SUGCT: variants seen among roughly 807,000 people sequenced by gnomAD.
SUGCT encodes succinyl-CoA:glutarate CoA-transferase.
In SUGCT, 41 loss-of-function variants were observed where a neutral mutation model predicts 55.0. The ratio of observed to expected loss-of-function variants is 0.74; its 90% CI spans 0.58 to 0.97. The LOEUF is 0.97. Among genes scored for constraint, SUGCT ranks in the 50% least tolerant of loss-of-function variants. The probability of loss-of-function intolerance (pLI) is 0.00; values close to 1 mark genes in which losing one functional copy is unlikely to be tolerated. For synonymous variants in SUGCT, 187 were observed against 200.4 expected (o/e 0.93, Z 0.56); for missense variants, 568 against 547.8 (o/e 1.04, Z -0.37).
chr7:40,290,870 G>T (rs937760696), intron 8 of SUGCT, among the ~76,000 whole-genome samples: 7 of 152,118 alleles, frequency 4.6e-5, no homozygotes, highest in Non-Finnish European at 8.8e-5. Flanking sequence ...CTTCTCAAAA[G>T]AAGACATTTA....
intron 9 of SUGCT, among the ~76,000 whole-genome samples, chr7:40,364,776 T>C (rs555216350): frequency 3.4e-4 from 51 of 152,104 alleles, no homozygotes; most frequent in African/African-American, 9.4e-4. Context: ...ATCAATAGCT[T>C]ACCAACCAAA....
At chr7:40,332,350 A>G (rs1357293631) in intron 9 of SUGCT, among the ~76,000 whole-genome samples, 3 of 152,234 alleles carry the variant, frequency 2.0e-5, no homozygotes, top group Non-Finnish European at 4.4e-5. Context: ...GCTGTCTCAA[A>G]TAGAAGAAGA....
At position 40,855,617 on chromosome 7, in the gene SUGCT, C is replaced by CA. The variant is rs1794132343; in HGVS notation, c.1154-4697dup. On this transcript the variant is annotated intron_variant, in intron 13 of 13. Transcript: ENST00000335693. ...ATATTTCTAGTCATCCCTGGTTGATCAATCTTTTATAGAAAAAAGATCTGG... is the reference window on the plus strand; with the variant it reads ...ATATTTCTAGTCATCCCTGGTTGATCAAATCTTTTATAGAAAAAAGATCTGG... Among the ~76,000 whole-genome samples, 8 of 152,126 alleles carry CA rather than the reference C, an allele frequency of 5.3e-5. No homozygotes were observed. The South Asian group carries it at 1.7e-3, about 32-fold the overall frequency.
At chr7:40,901,381 T>C in the SUGCT span, among the ~76,000 whole-genome samples, 10 of 152,334 alleles carry the variant, frequency 6.6e-5, no homozygotes, top group South Asian at 1.2e-3. Flanking sequence ...TTTCAACTTA[T>C]GGGGAATTTC....
the SUGCT span, among the ~76,000 whole-genome samples, chr7:40,918,460 C>CAAAAAAA: frequency 9.8e-6 from 1 of 101,960 alleles, no homozygotes; most frequent in African/African-American, 3.6e-5. Context: ...GACTCTGTCT[C>CAAAAAAA]AAAAAAAAAA....
intron 13 of SUGCT, among the ~76,000 whole-genome samples, chr7:40,844,755 G>A (rs188087181): frequency 1.9e-4 from 29 of 152,330 alleles, no homozygotes; most frequent in Admixed American, 1.8e-3. Flanking sequence ...CCTGCCTCCT[G>A]TCTGTATCAA....
Position 40,666,419 on chromosome 7 carries a change from G to GTT in SUGCT, c.1090-82991_1090-82990dup, listed in dbSNP as rs70990637. ...AGAAAGAAAGTAGGGTTATAGGTTA[G>GTT]TTTTTTTTTTTTTTTTTTTTTTTTT... On this transcript the variant is annotated intron_variant, in intron 12 of 13. Transcript: ENST00000335693. Among the ~76,000 whole-genome samples, 385 of 72,222 alleles carry GTT rather than the reference G, an allele frequency of 5.3e-3. 43 individuals are homozygous for GTT. The highest frequency in any genetic ancestry group is 0.021 in the African/African-American group (298 of 14,380). The allele number at this position is 72,222 out of a possible 152,430, so 47.4% of individuals were successfully genotyped here.
chr7:40,331,064 G>A (rs1796284467), intron 9 of SUGCT, among the ~76,000 whole-genome samples: 1 of 150,932 alleles, frequency 6.6e-6, no homozygotes, highest in African/African-American at 2.4e-5. Context: ...TAGCTGATGA[G>A]CTAAACAAGA....
chr7:40,695,687 A>G (rs1308107100), intron 12 of SUGCT, among the ~76,000 whole-genome samples: 1 of 152,198 alleles, frequency 6.6e-6, no homozygotes, highest in East Asian at 1.9e-4. Flanking sequence ...TTAGTATTCC[A>G]TTAAGACAGA....
chr7:40,190,244 T>G (rs1051040991), intron 5 of SUGCT, among the ~76,000 whole-genome samples: 1 of 152,288 alleles, frequency 6.6e-6, no homozygotes, highest in East Asian at 1.9e-4. Flanking sequence ...GAGGTAATAA[T>G]AGTACCTACT....
At chr7:40,508,171 G>T (rs1268123775) in intron 12 of SUGCT, among the ~76,000 whole-genome samples, 1 of 152,170 alleles carries the variant, frequency 6.6e-6, no homozygotes, top group Non-Finnish European at 1.5e-5. Flanking sequence ...CCTGCTCTAA[G>T]AGTGAGAACT....
intron 6 of SUGCT, among the ~76,000 whole-genome samples, chr7:40,228,117 A>C (rs1043357873): frequency 3.9e-5 from 6 of 152,080 alleles, no homozygotes; most frequent in African/African-American, 1.4e-4. Flanking sequence ...CCTGACCTCA[A>C]GTGATCCATC....
chr7:40,689,318 A>G (rs1784590771), intron 12 of SUGCT, among the ~76,000 whole-genome samples: 1 of 152,222 alleles, frequency 6.6e-6, no homozygotes, highest in Non-Finnish European at 1.5e-5. Flanking sequence ...ATTCTGGGGA[A>G]AATAAAAATA....
intron 10 of SUGCT, 98 bp downstream of exon 10, chr7:40,449,456 G>A: frequency 1.3e-6 from 1 of 787,688 alleles, no homozygotes; most frequent in Admixed American, 2.0e-5. Flanking sequence ...CCCTGTGTTA[G>A]CAACTAAAAG....
At chr7:40,715,303 C>T (rs1476669135) in intron 12 of SUGCT, among the ~76,000 whole-genome samples, 1 of 152,114 alleles carries the variant, frequency 6.6e-6, no homozygotes, top group East Asian at 1.9e-4. Context: ...AGTTTTGCTG[C>T]TGTGACCTCA....
intron 12 of SUGCT, among the ~76,000 whole-genome samples, chr7:40,698,186 G>A (rs925050475): frequency 6.6e-6 from 1 of 152,216 alleles, no homozygotes; most frequent in African/African-American, 2.4e-5. Context: ...ACAGCAATGT[G>A]AAGGCCTTTG....
At chr7:40,365,348 G>A (rs547188132) in intron 9 of SUGCT, among the ~76,000 whole-genome samples, 1 of 151,810 alleles carries the variant, frequency 6.6e-6, no homozygotes, top group African/African-American at 2.4e-5. Flanking sequence ...TTTGAAAACT[G>A]GCACAAGACA....
intron 9 of SUGCT, among the ~76,000 whole-genome samples, chr7:40,435,945 C>CTTTT (rs11297778): frequency 7.0e-5 from 8 of 114,492 alleles, no homozygotes; most frequent in East Asian, 5.6e-4. Context: ...CTTTTCTTTT[C>CTTTT]TTTTTTTTTT....
chr7:40,149,927 A>G (rs1788463797), intron 1 of SUGCT, among the ~76,000 whole-genome samples: 1 of 152,096 alleles, frequency 6.6e-6, no homozygotes. Context: ...CTCAAAACAA[A>G]CAAAAAATTA....
Sources: allele counts gnomAD v4.1 joint callset (sites outside exome capture counted in the v4.1 genomes callset), GRCh38; gene constraint gnomAD v4.1.1; transcripts MANE v1.5; gene names NCBI Gene and HGNC (gene_info 2026-07-23, HGNC 2026-07-21).